MSRB3: variants seen among roughly 807,000 people sequenced by gnomAD.
MSRB3 encodes the protein methionine-R-sulfoxide reductase B3.
MSRB3 carries 13 observed loss-of-function variants against 21.0 expected under a neutral mutation model. The ratio of observed to expected loss-of-function variants is 0.62; its 90% CI spans 0.40 to 0.98. The LOEUF is 0.98. MSRB3 is among the 50% of genes least tolerant of loss of function. The pLI is 0.00. For missense variants in MSRB3, 199 were observed against 230.3 expected, an observed-to-expected ratio of 0.86 and a Z score of 0.88; for synonymous variants, 87 against 88.6, an observed-to-expected ratio of 0.98 and a Z score of 0.10.
intron 4 of MSRB3, among the ~76,000 whole-genome samples, chr12:65,361,769 T>C (rs752126563): frequency 6.6e-6 from 1 of 152,194 alleles, no homozygotes; most frequent in Non-Finnish European, 1.5e-5. Flanking sequence ...TATAATACTA[T>C]ATTTTGTTAA....
At chr12:65,395,833 A>T (rs1032812407) in intron 5 of MSRB3, among the ~76,000 whole-genome samples, 1 of 152,170 alleles carries the variant, frequency 6.6e-6, no homozygotes, top group Non-Finnish European at 1.5e-5. Context: ...GTTAATGTCC[A>T]TGGGATCAAT....
chr12:65,427,414 C>G (rs1265579384), intron 5 of MSRB3, among the ~76,000 whole-genome samples: 2 of 152,132 alleles, frequency 1.3e-5, no homozygotes, highest in African/African-American at 4.8e-5. Flanking sequence ...GGATTGTCCA[C>G]AGTGGCAGTG....
chr12:65,403,093 C>A (rs1431249962), intron 5 of MSRB3, among the ~76,000 whole-genome samples: 1 of 152,214 alleles, frequency 6.6e-6, no homozygotes, highest in African/African-American at 2.4e-5. Flanking sequence ...CAGGGACTCA[C>A]TTGAGGAGGC....
chr12:65,301,632 G>A (rs980117370), intron 1 of MSRB3, among the ~76,000 whole-genome samples: 4 of 152,110 alleles, frequency 2.6e-5, no homozygotes, highest in African/African-American at 9.7e-5. Context: ...AGGTTAGAAG[G>A]TCCATTCAAA....
intron 4 of MSRB3, chr12:65,344,101 G>GA (rs776196853): frequency 6.6e-6 from 1 of 151,998 alleles, no homozygotes; most frequent in Non-Finnish European, 1.5e-5. Context: ...TTTGTAAGTG[G>GA]AAAAAACACT....
At chr12:65,330,005 C>A (rs1592530654) in intron 4 of MSRB3, among the ~76,000 whole-genome samples, 1 of 152,312 alleles carries the variant, frequency 6.6e-6, no homozygotes, top group Non-Finnish European at 1.5e-5. Flanking sequence ...ACACCTTTAG[C>A]TTATGTCATA....
chr12:65,453,856 AT>A (rs1305991254), intron 6 of MSRB3, 31 bp downstream of exon 6: 1 of 1,559,046 alleles, frequency 6.4e-7, no homozygotes, highest in Non-Finnish European at 8.8e-7. Flanking sequence ...AACCCAATAC[AT>A]TGCTTTCAGG....
At chr12:65,308,794 A>G in intron 2 of MSRB3, 139 bp downstream of exon 2, 4 of 1,076,368 alleles carry the variant, frequency 3.7e-6, no homozygotes, top group Non-Finnish European at 5.5e-6. Flanking sequence ...GAAATTGGTT[A>G]TAAATCACCA....
intron 5 of MSRB3, among the ~76,000 whole-genome samples, chr12:65,415,688 T>G (rs1232271711): frequency 6.6e-6 from 1 of 152,228 alleles, no homozygotes; most frequent in African/African-American, 2.4e-5. Context: ...AATATAAGGT[T>G]GTATACTCAA....
At chr12:65,418,531 G>A (rs1015801930) in intron 5 of MSRB3, among the ~76,000 whole-genome samples, 2 of 151,982 alleles carry the variant, frequency 1.3e-5, no homozygotes, top group African/African-American at 2.4e-5. Context: ...TGTTGCTTGT[G>A]TTTTTGGAGT....
At chr12:65,375,192 C>T (rs757796742) in intron 5 of MSRB3, among the ~76,000 whole-genome samples, 1 of 152,136 alleles carries the variant, frequency 6.6e-6, no homozygotes, top group Non-Finnish European at 1.5e-5. Flanking sequence ...GGGGACACGG[C>T]TCTTCATCCC....
intron 5 of MSRB3, among the ~76,000 whole-genome samples, chr12:65,434,805 CTG>C (rs1169649792): frequency 1.3e-5 from 2 of 151,946 alleles, no homozygotes; most frequent in Non-Finnish European, 2.9e-5. Flanking sequence ...TTTAAATGCA[CTG>C]ATATAATTAT....
chr12:65,385,456 A>C (rs528867819), intron 5 of MSRB3, among the ~76,000 whole-genome samples: 1 of 152,130 alleles, frequency 6.6e-6, no homozygotes, highest in African/African-American at 2.4e-5. Flanking sequence ...CTTTAATTAG[A>C]TATCTTATAG....
At chr12:65,325,565 G>A (rs1050940464) in intron 2 of MSRB3, among the ~76,000 whole-genome samples, 1 of 151,966 alleles carries the variant, frequency 6.6e-6, no homozygotes, top group African/African-American at 2.4e-5. Context: ...CAGGGTAACC[G>A]GCTAGACAAT....
chr12:65,308,703 G>T, intron 2 of MSRB3, 48 bp downstream of exon 2: 2 of 1,613,276 alleles, frequency 1.2e-6, no homozygotes, highest in Non-Finnish European at 1.7e-6. Context: ...GGCCAACTGG[G>T]TGTTTCTGCT....
At position 65,465,012 on chromosome 12, in the gene MSRB3, A is replaced by G. The variant is rs149464824; in HGVS notation, c.*1690A>G. On this transcript the variant is annotated 3_prime_UTR_variant, in exon 7 of 7. Coordinates refer to ENST00000308259, the MANE Select transcript of MSRB3 (RefSeq NM_001031679.3). The stretch of plus-strand genomic sequence containing the variant: ...GCTATACAGTTGAGATCAGTGTTGT[A>G]AAATTAAACTGATCTGGTTCTAATT... 1 of 152,362 alleles carries G rather than the reference A, an allele frequency of 6.6e-6. No individual in the cohort carries two copies. The highest frequency in any genetic ancestry group is 2.4e-5 in the African/African-American group (1 of 41,584). 9.4% of individuals were successfully genotyped at this position (152,362 alleles called of 1,614,324 possible).
At chr12:65,287,961 T>C (rs1410036164) in intron 1 of MSRB3, among the ~76,000 whole-genome samples, 1 of 152,180 alleles carries the variant, frequency 6.6e-6, no homozygotes, top group East Asian at 1.9e-4. Flanking sequence ...GCCTCAGTTT[T>C]CATATCTGCA....
chr12:65,418,486 T>G (rs1881098312), intron 5 of MSRB3, among the ~76,000 whole-genome samples: 1 of 152,192 alleles, frequency 6.6e-6, no homozygotes, highest in African/African-American at 2.4e-5. Flanking sequence ...GTGCAGAAAC[T>G]TTTTAGTTGA....
chr12:65,288,999 G>T (rs1872541110), intron 1 of MSRB3, among the ~76,000 whole-genome samples: 1 of 152,050 alleles, frequency 6.6e-6, no homozygotes, highest in African/African-American at 2.4e-5. Flanking sequence ...AAAAATCTGG[G>T]TACCCTCATC....
Sources: allele counts gnomAD v4.1 joint callset (sites outside exome capture counted in the v4.1 genomes callset), GRCh38; gene constraint gnomAD v4.1.1; transcripts MANE v1.5; gene names NCBI Gene and HGNC (gene_info 2026-07-23, HGNC 2026-07-21).